The following FANCC variants were observed in gnomAD, a reference collection of about 807,000 sequenced individuals.
FANCC encodes the protein Fanconi anemia group C protein.
FANCC carries 55 observed loss-of-function variants against 71.3 expected under a neutral mutation model. The ratio of observed to expected loss-of-function variants is 0.77; its 90% CI spans 0.62 to 0.97. The LOEUF (loss-of-function observed/expected upper bound fraction) is 0.97, where lower values mean the gene tolerates loss of function less well. FANCC is among the 50% of genes least tolerant of loss of function. The pLI, the probability that FANCC is intolerant of heterozygous loss-of-function variation, is 0.00. For missense variants in FANCC, 678 were observed against 670.9 expected, an observed-to-expected ratio of 1.01 and a Z score of -0.12; for synonymous variants, 275 against 244.9, an observed-to-expected ratio of 1.12 and a Z score of -1.15.
intron 1 of FANCC, among the ~76,000 whole-genome samples, chr9:95,264,817 T>C (rs1308065569): frequency 6.6e-6 from 1 of 152,154 alleles, no homozygotes; most frequent in East Asian, 1.9e-4. Flanking sequence ...TAAAATATAA[T>C]CAAATATAAA....
intron 10 of FANCC, among the ~76,000 whole-genome samples, chr9:95,124,173 C>T (rs1225192091): frequency 6.9e-6 from 1 of 143,926 alleles, no homozygotes; most frequent in African/African-American, 2.6e-5. Flanking sequence ...TTGACGTTGG[C>T]GGGGGGTGTG....
At chr9:95,177,900 G>GACTC (rs2135639865) in intron 4 of FANCC, among the ~76,000 whole-genome samples, 1 of 152,322 alleles carries the variant, frequency 6.6e-6, no homozygotes, top group East Asian at 1.9e-4. Context: ...AAGACACTGA[G>GACTC]ACTCAGCCCC....
chr9:95,201,581 T>G (rs1399247313), intron 4 of FANCC, among the ~76,000 whole-genome samples: 1 of 152,066 alleles, frequency 6.6e-6, no homozygotes, highest in African/African-American at 2.4e-5. Flanking sequence ...CTAACAAAAT[T>G]GCGATTTCCT....
At position 95,232,441 on chromosome 9, in the gene FANCC, A is replaced by G. The variant is rs572312341; in HGVS notation, c.345+8208T>C. Among the ~76,000 whole-genome samples the G allele has an allele frequency of 1.6e-4, 25 of 152,362 alleles. No homozygotes were observed. In the South Asian group the frequency reaches 1.9e-3, roughly 11 times the overall value. ...AAGAAGGATGCCTTATTGAATGCAT[A>G]TATCTTCTACAATGAATGGCAGTGA... On this transcript the variant is annotated intron_variant, in intron 4 of 14. Transcript: ENST00000289081.
Position 95,160,544 on chromosome 9 carries a change from G to T in FANCC, c.522-10457C>A, listed in dbSNP as rs1423637446. On this transcript the variant is annotated intron_variant, in intron 6 of 14. Coordinates refer to ENST00000289081, the MANE Select transcript of FANCC (RefSeq NM_000136.3). ...TTGGTTCCACATGAACTTCAAAGTA[G>T]TTTTTTCCAATTCTGTGAAGAAAGT... Among the ~76,000 whole-genome samples, 3 of 152,184 alleles carry T rather than the reference G, an allele frequency of 2.0e-5. No individual in the cohort carries two copies. In the East Asian group the frequency reaches 5.8e-4, roughly 29 times the overall value.
intron 7 of FANCC, among the ~76,000 whole-genome samples, chr9:95,139,730 T>C (rs1301872471): frequency 6.6e-6 from 1 of 151,390 alleles, no homozygotes; most frequent in East Asian, 2.0e-4. Context: ...GCATAAGGTA[T>C]GGCTACCAGA....
At chr9:95,144,669 T>C (rs181351378) in intron 7 of FANCC, among the ~76,000 whole-genome samples, 19 of 152,334 alleles carry the variant, frequency 1.2e-4, no homozygotes, top group Admixed American at 1.2e-3. Flanking sequence ...AATATATTCC[T>C]AGATGAATCA....
At chr9:95,277,421 C>T (rs1431418749) in intron 1 of FANCC, among the ~76,000 whole-genome samples, 1 of 152,166 alleles carries the variant, frequency 6.6e-6, no homozygotes, top group Non-Finnish European at 1.5e-5. Flanking sequence ...TGCTAATCAT[C>T]CTAATTTGAT....
intron 4 of FANCC, among the ~76,000 whole-genome samples, chr9:95,203,467 T>C (rs1021703607): frequency 6.6e-6 from 1 of 151,848 alleles, no homozygotes; most frequent in Non-Finnish European, 1.5e-5. Context: ...ACATTTTATA[T>C]GCTCACTTGG....
chr9:95,175,577 A>C (rs1317800091), intron 4 of FANCC, among the ~76,000 whole-genome samples: 1 of 152,232 alleles, frequency 6.6e-6, no homozygotes, highest in East Asian at 1.9e-4. Flanking sequence ...ACCAAGTGCA[A>C]TCTGGGAGAG....
intron 7 of FANCC, among the ~76,000 whole-genome samples, chr9:95,138,477 T>G (rs1828072280): frequency 6.6e-6 from 1 of 152,206 alleles, no homozygotes; most frequent in Non-Finnish European, 1.5e-5. Context: ...GCTCGTAGCT[T>G]CCATCATGGA....
At chr9:95,252,896 T>A (rs1332489656) in intron 1 of FANCC, among the ~76,000 whole-genome samples, 15 of 141,464 alleles carry the variant, frequency 1.1e-4, no homozygotes, top group East Asian at 6.1e-4. Context: ...AAAAAAAAAA[T>A]TTTTTTTTTT....
intron 8 of FANCC, among the ~76,000 whole-genome samples, chr9:95,134,816 G>C (rs906606121): frequency 1.3e-5 from 2 of 152,342 alleles, no homozygotes; most frequent in East Asian, 3.9e-4. Context: ...GCACAGTCCT[G>C]AGCGGGAAGG....
At chr9:95,193,314 C>A (rs529441172) in intron 4 of FANCC, among the ~76,000 whole-genome samples, 98 of 152,030 alleles carry the variant, frequency 6.4e-4, no homozygotes, top group African/African-American at 2.3e-3. Context: ...CAAGTTCAGC[C>A]CAAAGGCAAG....
At chr9:95,219,207 G>C (rs1829073138) in intron 4 of FANCC, among the ~76,000 whole-genome samples, 1 of 152,178 alleles carries the variant, frequency 6.6e-6, no homozygotes. Flanking sequence ...TCACCTGTGG[G>C]CAAGAGATTA....
At chr9:95,184,492 C>A (rs1365969411) in intron 4 of FANCC, among the ~76,000 whole-genome samples, 2 of 152,148 alleles carry the variant, frequency 1.3e-5, no homozygotes, top group African/African-American at 4.8e-5. Context: ...CAAAGCATTA[C>A]ATGACAAGAC....
intron 6 of FANCC, among the ~76,000 whole-genome samples, chr9:95,168,616 C>T: frequency 6.6e-6 from 1 of 152,228 alleles, no homozygotes; most frequent in Non-Finnish European, 1.5e-5. Context: ...CTGCAACCTC[C>T]ACCTCCCAGG....
chr9:95,121,961 C>T (rs1432077698), intron 10 of FANCC, among the ~76,000 whole-genome samples: 5 of 151,842 alleles, frequency 3.3e-5, no homozygotes, highest in African/African-American at 4.8e-5. Flanking sequence ...GGGTTCATGC[C>T]ATTATCCTGC....
intron 4 of FANCC, among the ~76,000 whole-genome samples, chr9:95,238,534 A>G (rs1830448895): frequency 6.6e-6 from 1 of 151,716 alleles, no homozygotes; most frequent in African/African-American, 2.4e-5. Flanking sequence ...CACACTGGCT[A>G]CATGATATCT....
Sources: gnomAD v4.1 joint callset for allele counts (sites outside exome capture counted in the v4.1 genomes callset) on GRCh38, gnomAD v4.1.1 for gene constraint, MANE v1.5 for transcripts, NCBI Gene and HGNC (gene_info 2026-07-23, HGNC 2026-07-21) for gene names.